Variants in ECE1 observed in about 807,000 individuals in gnomAD.
ECE1 encodes the protein endothelin-converting enzyme 1.
In ECE1, 35 loss-of-function variants were observed where a neutral mutation model predicts 98.6. The ratio of observed to expected loss-of-function variants is 0.35; its 90% CI spans 0.27 to 0.47. The LOEUF (loss-of-function observed/expected upper bound fraction) is 0.47. Among genes scored for constraint, ECE1 ranks in the 20% least tolerant of loss-of-function variants. ECE1 has a pLI of 1.00. For synonymous variants in ECE1, 394 were observed against 407.1 expected, an observed-to-expected ratio of 0.97 and a Z score of 0.39; for missense variants, 814 against 1,025.3, an observed-to-expected ratio of 0.79 and a Z score of 2.81.
chr1:21,262,749 C>T (rs1287531788), intron 4 of ECE1, among the ~76,000 whole-genome samples: 2 of 152,246 alleles, frequency 1.3e-5, no homozygotes, highest in Non-Finnish European at 2.9e-5. Context: ...AGGAATGCCT[C>T]CTTCAGACAC....
Position 21,322,257 on chromosome 1 carries a change from C to A in ECE1, c.3+23119G>T, listed in dbSNP as rs1045954436. ...TGGGGGTGTGGATAAAACCAGGAGA[C>A]CCCACACCCCACCTGAGCCCGGAGT... On this transcript the variant is annotated intron_variant, in intron 1 of 18. Coordinates refer to the ECE1 transcript ENST00000415912. The surrounding 1 kb of genome is among the most constrained non-coding windows in gnomAD (Gnocchi z 4.1). Among the ~76,000 whole-genome samples, 1 of 152,090 alleles carries A rather than the reference C, an allele frequency of 6.6e-6. No individual in the cohort carries two copies. Among genetic ancestry groups the A allele is most frequent in the African/African-American group, 2.4e-5 (1 of 41,426 alleles).
chr1:21,308,593 T>C (rs1273625180), intron 1 of ECE1, among the ~76,000 whole-genome samples: 1 of 152,086 alleles, frequency 6.6e-6, no homozygotes, highest in African/African-American at 2.4e-5. Context: ...GCCCTGGACA[T>C]GGACCCAGGA....
intron 10 of ECE1, among the ~76,000 whole-genome samples, chr1:21,244,427 A>G (rs2098200537): frequency 6.6e-6 from 1 of 152,128 alleles, no homozygotes. Flanking sequence ...GGTGACAGCC[A>G]CTTCCTTGGG....
chr1:21,261,664 G>C (rs1221420474), intron 4 of ECE1, among the ~76,000 whole-genome samples: 1 of 152,198 alleles, frequency 6.6e-6, no homozygotes, highest in African/African-American at 2.4e-5. Flanking sequence ...CCAGCCCTGT[G>C]CCTGGCACCC....
intron 10 of ECE1, among the ~76,000 whole-genome samples, chr1:21,241,099 G>A (rs144085173): frequency 6.6e-6 from 1 of 152,320 alleles, no homozygotes; most frequent in East Asian, 1.9e-4. Flanking sequence ...GTGTAGCAGT[G>A]GAGTGAGAGC....
intron 2 of ECE1, among the ~76,000 whole-genome samples, chr1:21,288,295 G>A (rs531897759): frequency 3.9e-5 from 6 of 152,246 alleles, no homozygotes; most frequent in Admixed American, 3.3e-4. Flanking sequence ...ATGTGGCCAC[G>A]CCAGCCCTTA....
intron 17 of ECE1, among the ~76,000 whole-genome samples, chr1:21,223,501 C>G (rs1184717541): frequency 6.6e-6 from 1 of 151,932 alleles, no homozygotes; most frequent in East Asian, 1.9e-4. Flanking sequence ...GAGCCTTGCT[C>G]TGTTGCCCAG....
chr1:21,296,446 G>A (rs184667539), intron 1 of ECE1, among the ~76,000 whole-genome samples: 2 of 152,298 alleles, frequency 1.3e-5, no homozygotes, highest in East Asian at 3.9e-4. Context: ...CTAGAAGGTT[G>A]AGGCTACAGT....
At chr1:21,227,279 A>AAAG in intron 15 of ECE1, 53 bp from the exon 16 acceptor site, 2 of 1,556,918 alleles carry the variant, frequency 1.3e-6, no homozygotes, top group Non-Finnish European at 1.8e-6. Context: ...AGGGCCTCTC[A>AAAG]CTCTTGCTCA....
intron 1 of ECE1, chr1:21,298,534 G>C (rs575656495): frequency 1.2e-5 from 4 of 338,260 alleles, no homozygotes; most frequent in African/African-American, 2.2e-5. Context: ...TCTTAAAAAA[G>C]TGAGCCACGG....
intron 12 of ECE1, 123 bp from the exon 13 acceptor site, chr1:21,236,050 G>C: frequency 1.1e-6 from 1 of 902,466 alleles, no homozygotes; most frequent in Admixed American, 1.8e-5. Context: ...GCCTGCCTTG[G>C]GCTTTCATGT....
At chr1:21,265,314 T>C (rs2098232474) in intron 4 of ECE1, among the ~76,000 whole-genome samples, 1 of 152,146 alleles carries the variant, frequency 6.6e-6, no homozygotes, top group Admixed American at 6.5e-5. Flanking sequence ...GGTGGATCAC[T>C]TGAGGTCAGG....
chr1:21,343,644 G>A (rs1167626492), intron 1 of ECE1, among the ~76,000 whole-genome samples: 1 of 152,218 alleles, frequency 6.6e-6, no homozygotes, highest in African/African-American at 2.4e-5. Context: ...TGAAACTCAA[G>A]GGTGATGCTT....
chr1:21,222,569 G>A (rs1227866996), intron 17 of ECE1, among the ~76,000 whole-genome samples: 2 of 152,084 alleles, frequency 1.3e-5, no homozygotes, highest in East Asian at 1.9e-4. Flanking sequence ...GGCCGGGTGC[G>A]ATGACTGACA....
intron 1 of ECE1, among the ~76,000 whole-genome samples, chr1:21,316,938 C>T (rs1254294480): frequency 6.6e-6 from 1 of 152,082 alleles, no homozygotes; most frequent in Non-Finnish European, 1.5e-5. Flanking sequence ...CCTGTAATCC[C>T]AGCACTTTGG....
chr1:21,303,682 T>G (rs1319983268), intron 1 of ECE1, among the ~76,000 whole-genome samples: 1 of 152,156 alleles, frequency 6.6e-6, no homozygotes, highest in Non-Finnish European at 1.5e-5. Flanking sequence ...AGGGTCTCAA[T>G]CTGTCCCTCA....
chr1:21,244,856 T>C (rs1479751922), intron 10 of ECE1, 133 bp downstream of exon 10: 1 of 817,130 alleles, frequency 1.2e-6, no homozygotes, highest in Non-Finnish European at 2.1e-6. Flanking sequence ...TACCCTTTAC[T>C]TGGCATAAGC....
Position 21,225,539 on chromosome 1 carries a change from C to T in ECE1, c.1850-99G>A, listed in dbSNP as rs2098173022. ...TGGTGAGAAGCGGTTCATCCGTCCA[C>T]CCCCGTCCTCCAGCCACCATGGGGA... is the stretch of plus-strand genomic sequence containing the variant. On this transcript the variant is annotated intron_variant, in intron 16 of 18. Transcript: ENST00000374893. The surrounding 1 kb of genome is among the most constrained non-coding windows in gnomAD (Gnocchi z 5.3). The T allele has an allele frequency of 1.4e-6, 2 of 1,385,502 alleles. No individual in the cohort carries two copies. The highest frequency in any genetic ancestry group is 2.0e-6 in the Non-Finnish European group (2 of 1,012,452). The allele number at this position is 1,385,502 out of a possible 1,614,324, so 85.8% of individuals were successfully genotyped here. A position where few individuals can be genotyped will look rare whatever the true frequency, so the allele number is the denominator to read the frequency against.
At chr1:21,223,862 T>G (rs1413640303) in intron 17 of ECE1, among the ~76,000 whole-genome samples, 1 of 152,208 alleles carries the variant, frequency 6.6e-6, no homozygotes, top group Admixed American at 6.5e-5. Flanking sequence ...CCTCCCAAAG[T>G]GCTGGGATTA....
Sources: allele counts gnomAD v4.1 joint callset (sites outside exome capture counted in the v4.1 genomes callset), GRCh38; gene constraint gnomAD v4.1.1; non-coding constraint Gnocchi (gnomAD v3.1); transcripts MANE v1.5; gene names NCBI Gene and HGNC (gene_info 2026-07-23, HGNC 2026-07-21).